Variants in GMDS observed in about 807,000 individuals in gnomAD.
The protein encoded by GMDS is GDP-mannose 4,6 dehydratase.
A neutral mutation model predicts 49.9 loss-of-function variants in GMDS; 20 were observed. The ratio of observed to expected loss-of-function variants is 0.40; its 90% CI spans 0.28 to 0.58. The LOEUF (loss-of-function observed/expected upper bound fraction) is 0.58. Ranked by LOEUF, GMDS falls within the 20% of genes least tolerant of loss-of-function variation. The pLI, the probability that GMDS is intolerant of heterozygous loss-of-function variation, is 0.42. For missense variants in GMDS, 362 were observed against 481.4 expected (o/e 0.75, Z 2.32); for synonymous variants, 177 against 178.6 (o/e 0.99, Z 0.07).
chr6:2,004,300 G>A (rs1293605962), intron 4 of GMDS, among the ~76,000 whole-genome samples: 1 of 152,150 alleles, frequency 6.6e-6, no homozygotes, highest in East Asian at 1.9e-4. Flanking sequence ...TCTGGATATA[G>A]TGCTTTGTGG....
At chr6:1,715,747 C>T (rs888587450) in intron 9 of GMDS, among the ~76,000 whole-genome samples, 2 of 152,222 alleles carry the variant, frequency 1.3e-5, no homozygotes, top group Non-Finnish European at 2.9e-5. Context: ...TGTTGAGATA[C>T]ATACTTTAAA....
intron 7 of GMDS, among the ~76,000 whole-genome samples, chr6:1,750,535 A>T (rs925205619): frequency 6.6e-6 from 1 of 152,130 alleles, no homozygotes; most frequent in African/African-American, 2.4e-5. Context: ...TGCCATGGGG[A>T]ACTGTGGATT....
At chr6:1,741,811 CAAAAAAAAA>C (rs758949708) in intron 8 of GMDS, among the ~76,000 whole-genome samples, 1 of 23,054 alleles carries the variant, frequency 4.3e-5, no homozygotes, top group South Asian at 1.6e-3. Context: ...GACTCTGTCT[CAAAAAAAAA>C]AAAAAAAAAA....
rs746787686 is a variant in GMDS, at chr6:1,778,188, C to T, written c.772-35602G>A. Among the ~76,000 whole-genome samples the T allele has an allele frequency of 2.8e-4, 43 of 152,268 alleles. No individual in the cohort carries two copies. The highest frequency in any genetic ancestry group is 7.7e-4 in the East Asian group (4 of 5,184). ...GGCCTTCTCAACACCTCACGAAAAG[C>T]GCCCTTGGGTCTCATTTTGCTGGGA... On this transcript the variant is annotated intron_variant, in intron 7 of 10. Coordinates refer to ENST00000380815, the MANE Select transcript of GMDS (RefSeq NM_001500.4). This position sits in a 1 kb window ranked among gnomAD's most constrained non-coding sequence, Gnocchi z 4.6.
intron 9 of GMDS, among the ~76,000 whole-genome samples, chr6:1,661,440 G>A (rs771737337): frequency 1.1e-4 from 17 of 152,290 alleles, no homozygotes; most frequent in Admixed American, 6.5e-5. Context: ...CTGTGATGTC[G>A]TTAAGTATGA....
intron 9 of GMDS, among the ~76,000 whole-genome samples, chr6:1,647,512 C>T (rs1288124731): frequency 6.6e-6 from 1 of 152,226 alleles, no homozygotes; most frequent in Non-Finnish European, 1.5e-5. Flanking sequence ...TATGGTCACT[C>T]TCTCAAGAGA....
At chr6:1,859,191 A>G (rs1758074828) in intron 7 of GMDS, among the ~76,000 whole-genome samples, 1 of 152,188 alleles carries the variant, frequency 6.6e-6, no homozygotes, top group Non-Finnish European at 1.5e-5. Flanking sequence ...GACCGTAGAC[A>G]TTGATACCTC....
chr6:1,810,938 G>A (rs967742287), intron 7 of GMDS, among the ~76,000 whole-genome samples: 4 of 152,032 alleles, frequency 2.6e-5, no homozygotes, highest in African/African-American at 4.8e-5. Context: ...CTGTGGAAAC[G>A]GGAAGTATCT....
intron 8 of GMDS, among the ~76,000 whole-genome samples, chr6:1,727,186 G>A (rs980914826): frequency 1.3e-5 from 2 of 152,148 alleles, no homozygotes; most frequent in Admixed American, 1.3e-4. Flanking sequence ...CTAGGATACT[G>A]TTTGCACACA....
chr6:1,738,609 T>C (rs192178554), intron 8 of GMDS, among the ~76,000 whole-genome samples: 3 of 152,334 alleles, frequency 2.0e-5, no homozygotes, highest in East Asian at 3.9e-4. Context: ...GTGTGTCTGA[T>C]ACGGTACAGC....
intron 7 of GMDS, among the ~76,000 whole-genome samples, chr6:1,801,246 T>C (rs1769938513): frequency 1.3e-5 from 2 of 152,184 alleles, no homozygotes; most frequent in South Asian, 4.1e-4. Flanking sequence ...GGGGCACAAG[T>C]AGACATTTCC....
intron 4 of GMDS, among the ~76,000 whole-genome samples, chr6:1,966,677 C>T (rs888407178): frequency 6.6e-6 from 1 of 152,202 alleles, no homozygotes; most frequent in African/African-American, 2.4e-5. Context: ...TCCAGGGCAC[C>T]TCTTGGAGCA....
intron 1 of GMDS, among the ~76,000 whole-genome samples, chr6:2,244,691 G>A (rs188896758): frequency 1.7e-3 from 262 of 152,204 alleles, no homozygotes; most frequent in Non-Finnish European, 1.7e-3. Context: ...AGTGTGCCTC[G>A]GATACACTTC....
chr6:1,936,438 G>C (rs1032327409), intron 6 of GMDS, among the ~76,000 whole-genome samples: 1 of 152,144 alleles, frequency 6.6e-6, no homozygotes, highest in East Asian at 1.9e-4. Context: ...AGCCAGAAGT[G>C]GGACTAATCC....
intron 7 of GMDS, among the ~76,000 whole-genome samples, chr6:1,874,264 A>T (rs1758918841): frequency 6.6e-6 from 1 of 152,148 alleles, no homozygotes; most frequent in Non-Finnish European, 1.5e-5. Context: ...GAAATGTGAA[A>T]ATCAACAGAT....
chr6:2,065,704 G>C (rs1451317047), intron 4 of GMDS, among the ~76,000 whole-genome samples: 1 of 152,100 alleles, frequency 6.6e-6, no homozygotes, highest in Non-Finnish European at 1.5e-5. Context: ...AATGAAGCGA[G>C]AAGGGAAGTT....
At chr6:1,726,583 G>T (rs1313330500) in intron 8 of GMDS, 71 bp from the exon 9 acceptor site, 1 of 1,083,056 alleles carries the variant, frequency 9.2e-7, no homozygotes, top group Non-Finnish European at 1.4e-6. Flanking sequence ...TAGCACCTTG[G>T]GATGCCCCAG....
At chr6:1,834,367 T>C (rs1756825916) in intron 7 of GMDS, among the ~76,000 whole-genome samples, 1 of 152,182 alleles carries the variant, frequency 6.6e-6, no homozygotes, top group Admixed American at 6.5e-5. Flanking sequence ...CCCTGAGCAA[T>C]TGCTCTGAGG....
intron 6 of GMDS, among the ~76,000 whole-genome samples, chr6:1,940,868 T>C (rs1762789951): frequency 6.6e-6 from 1 of 152,206 alleles, no homozygotes; most frequent in South Asian, 2.1e-4. Context: ...TAAGGAGGAA[T>C]AAGTCCTTTT....
Sources: gnomAD v4.1 joint callset for allele counts (sites outside exome capture counted in the v4.1 genomes callset) on GRCh38, gnomAD v4.1.1 for gene constraint, Gnocchi (gnomAD v3.1) non-coding constraint, MANE v1.5 for transcripts, NCBI Gene and HGNC (gene_info 2026-07-23, HGNC 2026-07-21) for gene names.